Variants in FBN3 observed in about 807,000 individuals in gnomAD.
The protein encoded by FBN3 is fibrillin-3.
Under a neutral mutation model 330.1 loss-of-function variants are expected in FBN3, and 234 were observed. The ratio of observed to expected loss-of-function variants is 0.71; its 90% CI spans 0.64 to 0.79. The LOEUF (loss-of-function observed/expected upper bound fraction) is 0.79, where lower values mean the gene tolerates loss of function less well. FBN3 is among the 30% of genes least tolerant of loss of function. The pLI is 0.00. For missense variants in FBN3, 3,606 were observed against 3,886.9 expected (o/e 0.93, Z 1.92); for synonymous variants, 1,458 against 1,517.3 (o/e 0.96, Z 0.91).
Position 8,077,553 on chromosome 19 carries a change from C to T in FBN3, c.7454-2142G>A, listed in dbSNP as rs548752784. Among the ~76,000 whole-genome samples the T allele has an allele frequency of 5.9e-5, 9 of 152,206 alleles. No homozygotes were observed. The South Asian group carries it at 8.3e-4, about 14-fold the overall frequency. On this transcript the variant is annotated intron_variant, in intron 59 of 63. Transcript: ENST00000600128. ...ACTTGGGAGGCTGAGGTGGGAGAAT[C>T]GTTTGAACCCAGGAGGCAGAGGATG...
rs764573412 is a variant in FBN3 at position 8,091,431 on chromosome 19, C to T, written c.6031+34G>A. 11 of 1,561,116 alleles carry T rather than the reference C, an allele frequency of 7.0e-6. No homozygotes were observed. The Middle Eastern group carries it at 5.1e-4, about 72-fold the overall frequency. The stretch of plus-strand genomic sequence containing the variant: ...AATCTGACCCTTCCCCGCCCCACTT[C>T]CCACCCTCTTCCCTAAGCCCTGTGT... On this transcript the variant is annotated intron_variant, in intron 48 of 63. Transcript: ENST00000600128.
At position 8,146,108 on chromosome 19, in the gene FBN3, G is replaced by A. The variant is rs1276770392; in HGVS notation, c.349+19C>T. ...TGTGAACTTCTTCTCCCTCCCGCAA[G>A]AGGCCGCTTCCCGCTCACCTCGGCT... On this transcript the variant is annotated intron_variant, in intron 4 of 63. Coordinates refer to ENST00000600128, the MANE Select transcript of FBN3 (RefSeq NM_032447.5). The A allele has an allele frequency of 1.3e-6, 2 of 1,568,814 alleles. No homozygotes were observed. Among genetic ancestry groups the A allele is most frequent in the East Asian group, 2.3e-5 (1 of 42,822 alleles).
rs1038144388 is a variant in FBN3 at position 8,102,834 on chromosome 19, G to A, written c.4979C>T (p.Thr1660Ile). 1.9e-6 allele frequency: 3 copies of A among 1,613,988 alleles called. No individual in the cohort carries two copies. Among genetic ancestry groups the A allele is most frequent in the Non-Finnish European group, 2.5e-6 (3 of 1,180,024 alleles). ...GTTGAAGGCCAGCTCATTTTGACAT[G>A]TGCCGTTATAGTGCCGGAAGCAGAC... ...KSVCFRHYNG[T>I]CQNELAFNVT... Residue 1660 changes from threonine to isoleucine, a missense_variant, in exon 40 of 64, where the codon ACA becomes ATA. Physicochemically the swap from Thr to Ile is moderately conservative, Grantham distance 89 (BLOSUM62 -1). Coordinates refer to ENST00000600128, the MANE Select transcript of FBN3 (RefSeq NM_032447.5).
rs1169211572 is a variant in FBN3, at chr19:8,083,270, T to C, written c.7190A>G (p.Asp2397Gly). The C allele has an allele frequency of 6.2e-7, 1 of 1,614,086 alleles. No homozygotes were observed. The highest frequency in any genetic ancestry group is 2.2e-5 in the East Asian group (1 of 44,888). ...RCHCQAGYTPDATATTCLDMD... is the reference protein window; with the variant it reads ...RCHCQAGYTPGATATTCLDMD... ...ACCCAGGCAGGTAGTAGCAGTAGCATCCGGTGTGTACCCGGCCTGACAGTG... is the reference window on the plus strand; with the variant it reads ...ACCCAGGCAGGTAGTAGCAGTAGCACCCGGTGTGTACCCGGCCTGACAGTG... The change falls in exon 57 of 64, where the codon GAT (aspartate) becomes GGT (glycine). Residue 2397 changes from aspartate (D) to glycine (G), a missense_variant. Coordinates refer to ENST00000600128, the MANE Select transcript of FBN3 (RefSeq NM_032447.5).
At chr19:8,114,735 T>G (rs4804267) in intron 30 of FBN3, among the ~76,000 whole-genome samples, 95,304 of 151,512 alleles carry the variant, frequency 0.63, 30,513 homozygotes, top group South Asian at 0.73. Flanking sequence ...CGGAGAATCA[T>G]TTTACTTATT....
At chr19:8,135,936 G>GGGGGGGGGGGGGGGGGCGGCCCCCCC in intron 13 of FBN3, 25 bp downstream of exon 13, 1 of 668,778 alleles carries the variant, frequency 1.5e-6, no homozygotes, top group Non-Finnish European at 2.4e-6. Flanking sequence ...GGAAGCCCCT[G>GGGGGGGGGGGGGGGGGCGGCCCCCCC]CCCACCCGCC....
rs566373255 is a variant in FBN3, at chr19:8,129,134, G to T, written c.2190C>A (p.Leu730=). The change falls in exon 18 of 64, where the codon CTC becomes CTA. Residue 730 remains leucine, a synonymous_variant. Coordinates refer to ENST00000600128, the MANE Select transcript of FBN3 (RefSeq NM_032447.5). The surrounding 1 kb of genome is among the most constrained non-coding windows in gnomAD (Gnocchi z 4.5). ...KDCTDVDECA[L]NSLLCDNGWC... is the part of the protein sequence containing the mutation. ...ACCCGTTGTCACACAGGAGGCTGTT[G>T]AGGGCACACTCATCCACGTCTGTGG... 2.5e-6 allele frequency: 4 copies of T among 1,612,908 alleles called. No individual in the cohort carries two copies. The highest frequency in any genetic ancestry group is 3.4e-6 in the Non-Finnish European group (4 of 1,179,976).
In FBN3 at chr19:8,065,730, TG is replaced by T; in HGVS notation, c.*188del. ...CTGTCTCCAGGAAAGACTGAGTAAC[TG>T]GGGGGCCCCCGGGGCTGGCACAGAG... On this transcript the variant is annotated 3_prime_UTR_variant, in exon 64 of 64. Transcript: ENST00000600128. The T allele has an allele frequency of 1.7e-5, 10 of 579,590 alleles. No individual in the cohort carries two copies. The highest frequency in any genetic ancestry group is 2.4e-5 in the South Asian group (1 of 41,736). 35.9% of individuals were successfully genotyped at this position (579,590 alleles called of 1,614,324 possible). A position where few individuals can be genotyped will look rare whatever the true frequency, so the allele number is the denominator to read the frequency against.
Position 8,086,296 on chromosome 19 carries a change from G to A in FBN3, c.6784C>T (p.Leu2262Phe), listed in dbSNP as rs1172189161. 6.2e-7 allele frequency: 1 copy of A among 1,612,026 alleles called. No homozygotes were observed. The highest frequency in any genetic ancestry group is 1.3e-5 in the African/African-American group (1 of 74,904). ...DDNECHAQPD[L>F]CVNGRCVNTA... is the part of the protein sequence containing the mutation. ...TTGACACAGCGGCCGTTGACACAGA[G>A]GTCAGGCTGAGCGTGGCATTCATTG... The change falls in exon 55 of 64, where the codon CTC (leucine) becomes TTC (phenylalanine). Residue 2262 changes from leucine (L) to phenylalanine (F), a missense_variant. Coordinates refer to ENST00000600128, the MANE Select transcript of FBN3 (RefSeq NM_032447.5).
At chr19:8,072,489 C>T (rs139174474) in intron 62 of FBN3, among the ~76,000 whole-genome samples, 14 of 152,018 alleles carry the variant, frequency 9.2e-5, no homozygotes, top group African/African-American at 2.9e-4. Flanking sequence ...GGGGCATGTG[C>T]GTGTGCCAAC....
Position 8,109,168 on chromosome 19 carries a change from TA to T in FBN3, c.4618+58del. ...ACCGCCATTAGCAGAGGTGACCCCC[TA>T]AGCTCCCGGGCCTCGGTGGCTTAGG... On this transcript the variant is annotated intron_variant, in intron 36 of 63. Transcript: ENST00000600128. The surrounding 1 kb of genome is among the most constrained non-coding windows in gnomAD (Gnocchi z 5.2). 1 of 1,552,760 alleles carries T rather than the reference TA, an allele frequency of 6.4e-7. No homozygotes were observed. The highest frequency in any genetic ancestry group is 8.8e-7 in the Non-Finnish European group (1 of 1,139,996).
Position 8,096,074 on chromosome 19 carries a change from T to C in FBN3, c.5546A>G (p.Asp1849Gly). Reference sequence around the variant, plus strand: ...TCCACAAGGCTGCCGGTCACACTCGTCAATGTCTGCAGAAGCAAAGCCGAG... The same window carrying C: ...TCCACAAGGCTGCCGGTCACACTCGCCAATGTCTGCAGAAGCAAAGCCGAG... ...SADQTLCMDI[D>G]ECDRQPCGNG... Residue 1849 changes from aspartate to glycine, a missense_variant, in exon 45 of 64, where the codon GAC becomes GGC. Asp to Gly is a moderately conservative substitution (Grantham distance 94). Coordinates refer to ENST00000600128, the MANE Select transcript of FBN3 (RefSeq NM_032447.5). The surrounding 1 kb of genome is among the most constrained non-coding windows in gnomAD (Gnocchi z 4.6). 4 of 1,613,192 alleles carry C rather than the reference T, an allele frequency of 2.5e-6. No individual in the cohort carries two copies. Among genetic ancestry groups the C allele is most frequent in the Non-Finnish European group, 3.4e-6 (4 of 1,179,264 alleles).
rs754932768 is a variant in FBN3, at chr19:8,095,409, G to A, written c.5751C>T (p.Gly1917=). ...AGSFHCLCQD[G]FELTADGKNC... is the part of the protein sequence containing the mutation. Reference sequence around the variant, plus strand: ...TCTTCCCATCAGCTGTGAGCTCAAAGCCATCCTGGCAGAGGCAGTGGAAGG... The same window carrying A: ...TCTTCCCATCAGCTGTGAGCTCAAAACCATCCTGGCAGAGGCAGTGGAAGG... Residue 1917 remains glycine (G), a synonymous_variant, in exon 46 of 64, where the codon GGC becomes GGT. Transcript: ENST00000600128. 6.2e-7 allele frequency: 1 copy of A among 1,613,508 alleles called. No individual in the cohort carries two copies. Among genetic ancestry groups the A allele is most frequent in the South Asian group, 1.1e-5 (1 of 91,052 alleles).
intron 8 of FBN3, among the ~76,000 whole-genome samples, chr19:8,138,984 A>T (rs976567991): frequency 1.3e-5 from 2 of 150,896 alleles, no homozygotes; most frequent in African/African-American, 4.9e-5. Context: ...AACCCAGGAG[A>T]CAAAGATTGC....
chr19:8,145,003 TC>T, intron 5 of FBN3, 31 bp from the exon 6 acceptor site: 2 of 1,563,528 alleles, frequency 1.3e-6, no homozygotes, highest in South Asian at 1.2e-5. Context: ...TGGCTGGAGG[TC>T]CCCCAGCAGC....
intron 30 of FBN3, 53 bp from the exon 31 acceptor site, chr19:8,112,152 G>A (rs557996261): frequency 7.6e-6 from 12 of 1,587,006 alleles, no homozygotes; most frequent in Admixed American, 5.1e-5. Context: ...GGAAAGACTC[G>A]ATGCAATAGC....
intron 30 of FBN3, among the ~76,000 whole-genome samples, chr19:8,113,049 A>C (rs1452300467): frequency 6.6e-6 from 1 of 152,232 alleles, no homozygotes; most frequent in African/African-American, 2.4e-5. Flanking sequence ...ATTTGGAAAC[A>C]GGGTCTTCGT....
intron 22 of FBN3, among the ~76,000 whole-genome samples, 185 bp downstream of exon 22, chr19:8,125,707 C>T (rs2082961486): frequency 6.6e-6 from 1 of 150,438 alleles, no homozygotes; most frequent in Admixed American, 6.6e-5. Flanking sequence ...AGGAGAATCG[C>T]TTGAACCCGG....
chr19:8,135,594 A>C (rs2144998442), intron 13 of FBN3, among the ~76,000 whole-genome samples: 1 of 149,788 alleles, frequency 6.7e-6, no homozygotes, highest in East Asian at 2.0e-4. Context: ...GTCTCGCTCT[A>C]TCAGCCAGGC....
Sources: allele counts gnomAD v4.1 joint callset (sites outside exome capture counted in the v4.1 genomes callset), GRCh38; gene constraint gnomAD v4.1.1; non-coding constraint Gnocchi (gnomAD v3.1); transcripts MANE v1.5; gene names NCBI Gene and HGNC (gene_info 2026-07-23, HGNC 2026-07-21).